TRPM5: variants seen among roughly 807,000 people sequenced by gnomAD.
TRPM5 encodes transient receptor potential cation channel subfamily M member 5, also known as MLSN1 and TRP-related.
A neutral mutation model predicts 124.9 loss-of-function variants in TRPM5; 121 were observed. The ratio of observed to expected loss-of-function variants is 0.97; its 90% CI spans 0.84 to 1.13. The LOEUF is 1.13. TRPM5 is among the 50% of genes most tolerant of loss of function. The pLI is 0.00. For missense variants in TRPM5, 1,643 were observed against 1,589.1 expected, an observed-to-expected ratio of 1.03 and a Z score of -0.58; for synonymous variants, 781 against 700.5, an observed-to-expected ratio of 1.11 and a Z score of -1.81.
chr11:2,422,235 C>A (rs745872405), exon 2 of TRPM5: 1 of 1,612,492 alleles, frequency 6.2e-7, no homozygotes, highest in Non-Finnish European at 8.5e-7. Flanking sequence ...CCAGGGACAC[C>A]ACCAGGTTGG....
the TRPM5 span, among the ~76,000 whole-genome samples, chr11:2,442,016 C>G: frequency 2.6e-5 from 4 of 152,148 alleles, no homozygotes; most frequent in East Asian, 7.7e-4. The surrounding 1 kb of genome is among the most constrained non-coding windows in gnomAD (Gnocchi z 5.9). Flanking sequence ...GGAGGCTTGA[C>G]CTGCCTGACC....
rs778198771 is a variant in TRPM5 at position 2,417,726 on chromosome 11, C to G, written c.1009+1G>C. 3.2e-6 allele frequency: 5 copies of G among 1,558,152 alleles called. No individual in the cohort carries two copies. Among genetic ancestry groups the G allele is most frequent in the South Asian group, 1.2e-5 (1 of 86,500 alleles). ...GCCTTGCCCACCCTGCCCGCCCTCA[C>G]CTTTCACCAGCGCCTTCAGGATGAC... On this transcript the variant is annotated splice_donor_variant, in intron 7 of 23. Transcript: ENST00000155858. LOFTEE classifies it high-confidence loss of function.
chr11:2,415,534 G>T, intron 8 of TRPM5, 63 bp from the exon 14 acceptor site: 1 of 1,183,868 alleles, frequency 8.4e-7, no homozygotes, highest in South Asian at 1.5e-5. Flanking sequence ...CAGGAGGAGG[G>T]GGTCCAAGGA....
the TRPM5 span, among the ~76,000 whole-genome samples, chr11:2,437,417 TTCTC>T: frequency 6.6e-6 from 1 of 152,130 alleles, no homozygotes; most frequent in Non-Finnish European, 1.5e-5. This position sits in a 1 kb window ranked among gnomAD's most constrained non-coding sequence, Gnocchi z 5.6. Context: ...GGGGGTGCCT[TTCTC>T]TATGAAGGTG....
rs779400438 is a variant in TRPM5 at position 2,415,299 on chromosome 11, C to T, written c.1301G>A (p.Arg434Gln). The change falls in exon 9 of 24, where the codon CGG becomes CAG. Residue 434 changes from arginine to glutamine, a missense_variant. Coordinates refer to ENST00000155858, the Ensembl canonical transcript of TRPM5. The stretch of plus-strand genomic sequence containing the variant: ...CGTCAGCCGGGCCTCCTCCTGCTTC[C>T]GCTGCAGCAGGTCGAAGAGCAGGCT... The T allele has an allele frequency of 1.9e-5, 30 of 1,579,862 alleles. No individual in the cohort carries two copies. The highest frequency in any genetic ancestry group is 4.6e-5 in the East Asian group (2 of 43,730).
chr11:2,433,630 C>T, the TRPM5 span, among the ~76,000 whole-genome samples: 5 of 152,254 alleles, frequency 3.3e-5, no homozygotes, highest in Admixed American at 3.3e-4. Context: ...ATTCCTTCCA[C>T]TGAAGGGTGC....
exon 16 of TRPM5, chr11:2,412,218 C>T (rs550081696): frequency 1.9e-6 from 3 of 1,613,454 alleles, no homozygotes; most frequent in Non-Finnish European, 2.5e-6. Flanking sequence ...GTGTGAACTT[C>T]TTCACCAGGT....
At chr11:2,414,311 C>G (rs1198050359) in intron 11 of TRPM5, 105 bp from the exon 17 acceptor site, 7 of 1,460,454 alleles carry the variant, frequency 4.8e-6, no homozygotes, top group Non-Finnish European at 6.4e-6. Flanking sequence ...GCAGCCGCAC[C>G]CTGCGTTCAA....
rs1260826336 is a variant in TRPM5, at chr11:2,417,779, C to T, written c.957G>A (p.Glu319=). 2.5e-6 allele frequency: 4 copies of T among 1,601,340 alleles called. No homozygotes were observed. The Middle Eastern group carries it at 5.4e-4, about 216-fold the overall frequency. The change falls in exon 7 of 24, where the codon GAG becomes GAA. Residue 319 remains glutamate (E), a synonymous_variant. Transcript: ENST00000155858. The stretch of plus-strand genomic sequence containing the variant: ...TGTCCAGCTCCTCGGAGCCCTCCTG[C>T]TCGAAGTCATACACGGTGAGCAGGT...
chr11:2,404,995 C>G (rs765007956), exon 24 of TRPM5: 1 of 1,612,830 alleles, frequency 6.2e-7, no homozygotes, highest in East Asian at 2.2e-5. Context: ...TAAACCACCT[C>G]TGTGGTCAGC....
At chr11:2,422,012 G>GC in intron 2 of TRPM5, 129 bp downstream of exon 7, 1 of 890,938 alleles carries the variant, frequency 1.1e-6, no homozygotes, top group Non-Finnish European at 1.6e-6. Flanking sequence ...TGTGCCGGGT[G>GC]GGGGGACAGT....
chr11:2,426,382 A>G (rs1353343551), upstream of TRPM5, among the ~76,000 whole-genome samples: 1 of 152,098 alleles, frequency 6.6e-6, no homozygotes, highest in Non-Finnish European at 1.5e-5. Context: ...GAGGGAGGTG[A>G]TGCAAACAGC....
In TRPM5 at chr11:2,418,551, G is replaced by T. The variant is rs141618590; in HGVS notation, c.690C>A (p.Val230=). Residue 230 remains valine, a synonymous_variant, in exon 5 of 24, where the codon GTC becomes GTA. Coordinates refer to ENST00000155858, the Ensembl canonical transcript of TRPM5. ...CCTCCAAGGTGTTGGGATCACCATTGACCAGCAAGCAGAGGACAGGGATCT... is the reference window on the plus strand; with the variant it reads ...CCTCCAAGGTGTTGGGATCACCATTTACCAGCAAGCAGAGGACAGGGATCT... 23 of 1,611,778 alleles carry T rather than the reference G, an allele frequency of 1.4e-5. No homozygotes were observed. In the African/African-American group the frequency reaches 2.7e-4, roughly 19 times the overall value.
At position 2,413,020 on chromosome 11, in the gene TRPM5, G is replaced by C; in HGVS notation, c.2097-8C>G. The C allele has an allele frequency of 6.3e-7, 1 of 1,598,186 alleles. No homozygotes were observed. Among genetic ancestry groups the C allele is most frequent in the Non-Finnish European group, 8.5e-7 (1 of 1,173,544 alleles). On this transcript the variant is annotated splice_polypyrimidine_tract_variant and splice_region_variant and intron_variant, in intron 14 of 23. Transcript: ENST00000155858. ...TCCACCAGCTCCTCCACCCTGTGCC[G>C]CAGAGAAGTTCGCAGTGGTGAGGCT...
chr11:2,418,645 C>T (rs1845723570), intron 4 of TRPM5, 54 bp from the exon 10 acceptor site: 7 of 1,551,392 alleles, frequency 4.5e-6, no homozygotes, highest in African/African-American at 2.7e-5. Context: ...GGTGACCACC[C>T]GGATCTCAGG....
intron 10 of TRPM5, 31 bp from the exon 16 acceptor site, chr11:2,414,869 T>C (rs1277397539): frequency 6.3e-7 from 1 of 1,591,694 alleles, no homozygotes. Flanking sequence ...AGGCCGCCCC[T>C]CCCCTGCCCC....
intron 19 of TRPM5, 108 bp from the exon 25 acceptor site, chr11:2,407,408 C>T: frequency 9.1e-7 from 1 of 1,094,850 alleles, no homozygotes; most frequent in Non-Finnish European, 1.3e-6. Flanking sequence ...GAAACTGAGG[C>T]CCAGCACTGC....
At chr11:2,416,617 T>A (rs1589872341) in intron 7 of TRPM5, among the ~76,000 whole-genome samples, 1 of 151,278 alleles carries the variant, frequency 6.6e-6, no homozygotes, top group African/African-American at 2.4e-5. Flanking sequence ...GGCGGGGGAG[T>A]TCCTAAACGG....
the TRPM5 span, among the ~76,000 whole-genome samples, chr11:2,433,942 G>A: frequency 6.6e-6 from 1 of 152,182 alleles, no homozygotes; most frequent in Admixed American, 6.5e-5. Context: ...TGGACACAGT[G>A]TGTGAGTGTA....
Sources: gnomAD v4.1 joint callset for allele counts (sites outside exome capture counted in the v4.1 genomes callset) on GRCh38, gnomAD v4.1.1 for gene constraint, Gnocchi (gnomAD v3.1) non-coding constraint, MANE v1.5 for transcripts, NCBI Gene and HGNC (gene_info 2026-07-23, HGNC 2026-07-21) for gene names.